The following PLXDC2 variants were observed in gnomAD, a reference collection of about 807,000 sequenced individuals.
PLXDC2 encodes the protein plexin domain-containing protein 2.
PLXDC2 carries 40 observed loss-of-function variants against 68.9 expected under a neutral mutation model. That is an observed-to-expected ratio of 0.58 (90% confidence interval 0.45 to 0.76). The LOEUF is 0.76. PLXDC2 is among the 30% of genes least tolerant of loss of function. PLXDC2 has a pLI of 0.00. For synonymous variants in PLXDC2, 243 were observed against 234.2 expected (o/e 1.04, Z -0.34); for missense variants, 644 against 661.9 (o/e 0.97, Z 0.30).
chr10:20,206,849 AACACACACACAC>A (rs375925753), intron 9 of PLXDC2, among the ~76,000 whole-genome samples: 1 of 149,544 alleles, frequency 6.7e-6, no homozygotes, highest in African/African-American at 2.5e-5. Flanking sequence ...TGTGCTTTGA[AACACACACACAC>A]ACACACACAC....
At chr10:20,176,667 C>G (rs1027871219) in intron 7 of PLXDC2, among the ~76,000 whole-genome samples, 2 of 151,896 alleles carry the variant, frequency 1.3e-5, no homozygotes, top group Non-Finnish European at 2.9e-5. Flanking sequence ...ATCATCTTAC[C>G]TTCTTGATTT....
intron 1 of PLXDC2, among the ~76,000 whole-genome samples, chr10:19,904,945 A>G (rs921618799): frequency 2.6e-5 from 4 of 152,206 alleles, no homozygotes; most frequent in Non-Finnish European, 5.9e-5. Flanking sequence ...AGTGTCATGT[A>G]GAATAGGAAC....
intron 13 of PLXDC2, among the ~76,000 whole-genome samples, chr10:20,275,433 C>G (rs1341412614): frequency 6.6e-6 from 1 of 152,046 alleles, no homozygotes; most frequent in Non-Finnish European, 1.5e-5. Flanking sequence ...AGATTTAGTT[C>G]TGTAGTTTCC....
chr10:19,864,914 G>T (rs1440215516), intron 1 of PLXDC2, among the ~76,000 whole-genome samples: 2 of 152,174 alleles, frequency 1.3e-5, no homozygotes, highest in Non-Finnish European at 2.9e-5. Flanking sequence ...GGGAGGGTAA[G>T]TGAGAGTTGG....
chr10:20,177,030 C>T lies in PLXDC2; in HGVS notation c.915C>T (p.His305=). 6.2e-7 allele frequency: 1 copy of T among 1,611,262 alleles called. No homozygotes were observed. Among genetic ancestry groups the T allele is most frequent in the Non-Finnish European group, 8.5e-7 (1 of 1,178,810 alleles). The change falls in exon 8 of 14, where the codon CAC becomes CAT. Residue 305 remains histidine, a synonymous_variant. Coordinates refer to ENST00000377252, the MANE Select transcript of PLXDC2 (RefSeq NM_032812.9). ...GAAGAAGAACAATTTATGAATACCA[C>T]CGAGTAGAGCTACAAATGTCAAAAA... ...NVRRRTIYEY[H]RVELQMSKIT...
chr10:20,209,824 G>A (rs1260869012), intron 9 of PLXDC2, among the ~76,000 whole-genome samples: 1 of 152,138 alleles, frequency 6.6e-6, no homozygotes, highest in African/African-American at 2.4e-5. Context: ...TTAAAGACAG[G>A]CATAGGAAAT....
In PLXDC2 at chr10:19,851,145, TG is replaced by T. The variant is rs150246786; in HGVS notation, c.112+33958del. 9.5e-3 allele frequency among the ~76,000 whole-genome samples: 1,454 copies of T among 152,254 alleles called. 25 individuals are homozygous for T. Among genetic ancestry groups the T allele is most frequent in the African/African-American group, 0.033 (1,362 of 41,536 alleles). On this transcript the variant is annotated intron_variant, in intron 1 of 13. Transcript: ENST00000377252. ...ACAGTGCTATGGTTTTGGACATAGATGGGGAACAATTATTCTTTCCAAGGAA... is the reference window on the plus strand; with the variant it reads ...ACAGTGCTATGGTTTTGGACATAGATGGGAACAATTATTCTTTCCAAGGAA...
At position 20,233,992 on chromosome 10, in the gene PLXDC2, T is replaced by TA. The variant is rs999749533; in HGVS notation, c.1313-11353_1313-11352insA. 9.5e-4 allele frequency among the ~76,000 whole-genome samples: 144 copies of TA among 151,148 alleles called. 1 individual carries two copies. The highest frequency in any genetic ancestry group is 5.9e-5 in the Non-Finnish European group (4 of 67,724). On this transcript the variant is annotated intron_variant, in intron 12 of 13. Transcript: ENST00000377252. Reference sequence around the variant, plus strand: ...TGCATCCCCATGCCCACCTACTTTTTTTTTTTTTATTTTTTGTAGAGATGC... The same window carrying TA: ...TGCATCCCCATGCCCACCTACTTTTTATTTTTTTTATTTTTTGTAGAGATGC...
At chr10:19,887,486 C>T (rs978593554) in intron 1 of PLXDC2, among the ~76,000 whole-genome samples, 1 of 152,122 alleles carries the variant, frequency 6.6e-6, no homozygotes, top group Non-Finnish European at 1.5e-5. Flanking sequence ...CGCGCCACTG[C>T]TCTCCAGCCT....
chr10:19,997,227 G>C (rs772151947), intron 1 of PLXDC2, among the ~76,000 whole-genome samples: 45 of 152,108 alleles, frequency 3.0e-4, no homozygotes, highest in Non-Finnish European at 6.2e-4. Context: ...CTAGTTTATC[G>C]ACATACCTAA....
intron 6 of PLXDC2, among the ~76,000 whole-genome samples, chr10:20,149,689 G>A (rs567477504): frequency 6.6e-6 from 1 of 152,040 alleles, no homozygotes; most frequent in Non-Finnish European, 1.5e-5. Context: ...TTCCATTCCT[G>A]CATTAGTTTG....
chr10:20,201,289 CA>C (rs764205236), intron 9 of PLXDC2, among the ~76,000 whole-genome samples: 10 of 151,878 alleles, frequency 6.6e-5, no homozygotes, highest in Non-Finnish European at 1.2e-4. Flanking sequence ...AAGTCCAGAA[CA>C]GAAAATTTAA....
chr10:19,917,981 G>A lies in PLXDC2; in HGVS notation c.113-83794G>A, dbSNP rs540070427. Among the ~76,000 whole-genome samples the A allele has an allele frequency of 6.6e-5, 10 of 152,160 alleles. No individual in the cohort carries two copies. The South Asian group carries it at 1.0e-3, about 16-fold the overall frequency. ...AAAAGAACCCACTGTATTTCTCCTCGGGTTTGAATGAACTACTGGAATATT... is the reference window on the plus strand; with the variant it reads ...AAAAGAACCCACTGTATTTCTCCTCAGGTTTGAATGAACTACTGGAATATT... On this transcript the variant is annotated intron_variant, in intron 1 of 13. Coordinates refer to ENST00000377252, the MANE Select transcript of PLXDC2 (RefSeq NM_032812.9).
intron 2 of PLXDC2, among the ~76,000 whole-genome samples, chr10:20,040,948 C>T (rs151053789): frequency 6.6e-6 from 1 of 152,210 alleles, no homozygotes; most frequent in Non-Finnish European, 1.5e-5. Flanking sequence ...CTGTCAGTTG[C>T]CTGCTATGAA....
intron 1 of PLXDC2, among the ~76,000 whole-genome samples, chr10:19,993,295 T>C (rs1222647164): frequency 6.9e-6 from 1 of 145,806 alleles, no homozygotes; most frequent in Non-Finnish European, 1.5e-5. Context: ...CTTTATATTT[T>C]CCATAGGATA....
rs144796068 is a variant in PLXDC2 at position 20,201,419 on chromosome 10, G to T, written c.1062-10250G>T. Among the ~76,000 whole-genome samples the T allele has an allele frequency of 9.3e-4, 141 of 152,040 alleles. No individual in the cohort carries two copies. In the East Asian group the frequency reaches 0.01, roughly 11 times the overall value. Reference sequence around the variant, plus strand: ...AAGAGTAGGTGAAAGAGGGAGAAAGGGAGAGATTTGTTAAAGGATATAAAT... The same window carrying T: ...AAGAGTAGGTGAAAGAGGGAGAAAGTGAGAGATTTGTTAAAGGATATAAAT... On this transcript the variant is annotated intron_variant, in intron 9 of 13. Coordinates refer to ENST00000377252, the MANE Select transcript of PLXDC2 (RefSeq NM_032812.9).
At chr10:20,219,205 G>A (rs1835179489) in intron 12 of PLXDC2, 103 bp downstream of exon 12, 2 of 1,242,982 alleles carry the variant, frequency 1.6e-6, no homozygotes, top group Non-Finnish European at 2.2e-6. Flanking sequence ...TAAAAGGTGA[G>A]GTTGTGTTTT....
chr10:19,895,383 TCC>T (rs746460893), intron 1 of PLXDC2, among the ~76,000 whole-genome samples: 20 of 152,162 alleles, frequency 1.3e-4, no homozygotes, highest in Non-Finnish European at 2.5e-4. Flanking sequence ...AAAGTGAGCT[TCC>T]TGTGCAATTC....
chr10:20,207,273 A>G (rs1281967127), intron 9 of PLXDC2, among the ~76,000 whole-genome samples: 1 of 152,140 alleles, frequency 6.6e-6, no homozygotes, highest in Non-Finnish European at 1.5e-5. Context: ...TTAATTTCAC[A>G]CAACATAATT....
Sources: allele counts gnomAD v4.1 joint callset (sites outside exome capture counted in the v4.1 genomes callset), GRCh38; gene constraint gnomAD v4.1.1; transcripts MANE v1.5; gene names NCBI Gene and HGNC (gene_info 2026-07-23, HGNC 2026-07-21).